The following BMPR2 variants were observed in gnomAD, a reference collection of about 807,000 sequenced individuals.
BMPR2 encodes bone morphogenetic protein receptor type 2.
Under a neutral mutation model 100.8 loss-of-function variants are expected in BMPR2, and 29 were observed. The observed-to-expected ratio is 0.29, with a 90% CI of 0.21 to 0.39. The LOEUF (loss-of-function observed/expected upper bound fraction) is 0.39. Among genes scored for constraint, BMPR2 ranks in the 10% least tolerant of loss-of-function variants. The probability of loss-of-function intolerance (pLI) is 1.00; values close to 1 mark genes in which losing one functional copy is unlikely to be tolerated. For synonymous variants in BMPR2, 382 were observed against 442.3 expected (o/e 0.86, Z 1.71); for missense variants, 1,011 against 1,274.5 (o/e 0.79, Z 3.15).
At chr2:202,544,685 G>A (rs936520726) in intron 10 of BMPR2, among the ~76,000 whole-genome samples, 11 of 151,536 alleles carry the variant, frequency 7.3e-5, no homozygotes, top group African/African-American at 2.7e-4. Flanking sequence ...CATTTTGCTT[G>A]GCACTGGGTA....
chr2:202,470,061 A>G (rs1008939021), intron 3 of BMPR2, among the ~76,000 whole-genome samples: 1 of 152,152 alleles, frequency 6.6e-6, no homozygotes, highest in African/African-American at 2.4e-5. Context: ...AAATAAGTTG[A>G]GGCTGGGTGC....
intron 1 of BMPR2, among the ~76,000 whole-genome samples, chr2:202,381,418 A>T (rs530913209): frequency 6.6e-6 from 1 of 152,180 alleles, no homozygotes; most frequent in Non-Finnish European, 1.5e-5. Context: ...AGTAACATCT[A>T]TCTGGGGGAG....
chr2:202,442,942 T>C (rs990120100), intron 1 of BMPR2, among the ~76,000 whole-genome samples: 1 of 150,682 alleles, frequency 6.6e-6, no homozygotes. Flanking sequence ...CTCAAATTCA[T>C]ATATTGAAAC....
Position 202,560,039 on chromosome 2 carries a change from C to T in BMPR2, c.*93C>T, listed in dbSNP as rs1688653246. On this transcript the variant is annotated 3_prime_UTR_variant, in exon 13 of 13. Transcript: ENST00000374580. ...ATAAAAAAAAAACTGCTTTATCCTC[C>T]TGTCAGCACCCCCTCCCACCCCTGC... The T allele has an allele frequency of 6.7e-7, 1 of 1,497,642 alleles. No individual in the cohort carries two copies. The highest frequency in any genetic ancestry group is 1.4e-5 in the African/African-American group (1 of 71,724). 92.8% of individuals were successfully genotyped at this position (1,497,642 alleles called of 1,614,324 possible).
Position 202,467,629 on chromosome 2 carries a change from A to G in BMPR2, c.358A>G (p.Thr120Ala). ...NGTYRFCCCS[T>A]DLCNVNFTEN... is the part of the protein sequence containing the mutation. Reference sequence around the variant, plus strand: ...AACATACCGTTTCTGCTGTTGTAGCACAGATTTATGTAATGTCAACTTTAC... The same window carrying G: ...AACATACCGTTTCTGCTGTTGTAGCGCAGATTTATGTAATGTCAACTTTAC... The change falls in exon 3 of 13, where the codon ACA becomes GCA. Residue 120 changes from threonine (T) to alanine (A), a missense_variant. This residue lies in a region of BMPR2 where 355 missense variants were observed against 455.3 expected (regional missense o/e 0.78). Transcript: ENST00000374580. 6.2e-7 allele frequency: 1 copy of G among 1,611,882 alleles called. No individual in the cohort carries two copies. Among genetic ancestry groups the G allele is most frequent in the East Asian group, 2.2e-5 (1 of 44,870 alleles).
chr2:202,523,504 A>G (rs1329934961), intron 7 of BMPR2, among the ~76,000 whole-genome samples: 1 of 152,170 alleles, frequency 6.6e-6, no homozygotes, highest in Non-Finnish European at 1.5e-5. Context: ...TGGACTGGAT[A>G]TAAAAAATGT....
At chr2:202,455,852 T>C (rs1692086848) in intron 1 of BMPR2, among the ~76,000 whole-genome samples, 1 of 151,470 alleles carries the variant, frequency 6.6e-6, no homozygotes, top group African/African-American at 2.4e-5. Flanking sequence ...GATCATGAGG[T>C]CAGGAGATCG....
chr2:202,456,941 A>G (rs547695525), intron 1 of BMPR2, among the ~76,000 whole-genome samples: 21 of 152,208 alleles, frequency 1.4e-4, no homozygotes, highest in Non-Finnish European at 2.4e-4. Context: ...AAGACACACA[A>G]TAGTGTGAAC....
chr2:202,421,259 G>T (rs1257122019), intron 1 of BMPR2, among the ~76,000 whole-genome samples: 2 of 141,152 alleles, frequency 1.4e-5, no homozygotes, highest in African/African-American at 5.3e-5. Flanking sequence ...TCAAAAAAAG[G>T]GAGAAATTAT....
intron 10 of BMPR2, among the ~76,000 whole-genome samples, chr2:202,543,603 A>G (rs1688323436): frequency 6.6e-6 from 1 of 152,106 alleles, no homozygotes; most frequent in Non-Finnish European, 1.5e-5. Context: ...ACTCTCCGTA[A>G]GTAACTCCCT....
intron 3 of BMPR2, among the ~76,000 whole-genome samples, chr2:202,501,441 C>A (rs192000746): frequency 1.0e-3 from 153 of 152,316 alleles, no homozygotes; most frequent in Non-Finnish European, 1.6e-3. Flanking sequence ...CTAGTACAAG[C>A]TCCAGCTTTA....
intron 1 of BMPR2, among the ~76,000 whole-genome samples, chr2:202,440,115 C>A (rs1463527979): frequency 6.6e-6 from 1 of 150,792 alleles, no homozygotes; most frequent in South Asian, 2.1e-4. Context: ...CCCATGTCTA[C>A]TTCTTTCTAC....
At chr2:202,541,547 A>T (rs765982238) in intron 9 of BMPR2, among the ~76,000 whole-genome samples, 1 of 152,206 alleles carries the variant, frequency 6.6e-6, no homozygotes, top group Non-Finnish European at 1.5e-5. Flanking sequence ...ATGTAATGAG[A>T]CATAGTGACT....
chr2:202,412,562 G>T (rs1182431093), intron 1 of BMPR2, among the ~76,000 whole-genome samples: 1 of 152,044 alleles, frequency 6.6e-6, no homozygotes, highest in Non-Finnish European at 1.5e-5. Flanking sequence ...CTCGTGATCC[G>T]CCCGCCTCGG....
chr2:202,455,832 AAGGTGGGCAGATCATG>A (rs1157814772), intron 1 of BMPR2, among the ~76,000 whole-genome samples: 2 of 151,904 alleles, frequency 1.3e-5, no homozygotes, highest in South Asian at 4.2e-4. Context: ...TTGGGAGGCC[AAGGTGGGCAGATCATG>A]AGGTCAGGAG....
intron 1 of BMPR2, among the ~76,000 whole-genome samples, chr2:202,406,216 A>G (rs1017078941): frequency 3.9e-5 from 6 of 152,256 alleles, no homozygotes; most frequent in South Asian, 4.1e-4. Flanking sequence ...AATAAAGGAT[A>G]TAATAGGGTT....
chr2:202,546,328 C>T (rs935957512), intron 10 of BMPR2, among the ~76,000 whole-genome samples: 16 of 152,118 alleles, frequency 1.1e-4, no homozygotes, highest in African/African-American at 3.9e-4. Context: ...AGTAGTAAAA[C>T]TCAGAATCTT....
At chr2:202,482,437 G>A (rs912394294) in intron 3 of BMPR2, among the ~76,000 whole-genome samples, 3 of 152,080 alleles carry the variant, frequency 2.0e-5, no homozygotes, top group South Asian at 2.1e-4. Context: ...GCAGTGGCAC[G>A]ATCATAGCTC....
chr2:202,403,878 G>A (rs942858239), intron 1 of BMPR2, among the ~76,000 whole-genome samples: 9 of 152,002 alleles, frequency 5.9e-5, no homozygotes, highest in African/African-American at 9.7e-5. Context: ...GGTGGCACAT[G>A]CCTGTAATCC....
Sources: allele counts gnomAD v4.1 joint callset (sites outside exome capture counted in the v4.1 genomes callset), GRCh38; gene constraint gnomAD v4.1.1; regional missense constraint gnomAD v4.1.1; transcripts MANE v1.5; gene names NCBI Gene and HGNC (gene_info 2026-07-23, HGNC 2026-07-21).